PTPN13: variants seen among roughly 807,000 people sequenced by gnomAD.
PTPN13 encodes tyrosine-protein phosphatase non-receptor type 13.
In PTPN13, 191 loss-of-function variants were observed where a neutral mutation model predicts 284.0. That is an observed-to-expected ratio of 0.67 (90% CI 0.60 to 0.76). PTPN13 has a LOEUF of 0.76. Among genes scored for constraint, PTPN13 ranks in the 30% least tolerant of loss-of-function variants. PTPN13 has a pLI of 0.00. For missense variants in PTPN13, 2,797 were observed against 2,939.9 expected (o/e 0.95, Z 1.12); for synonymous variants, 986 against 1,022.3 (o/e 0.96, Z 0.68).
At chr4:86,709,335 T>G (rs759219021) in intron 7 of PTPN13, among the ~76,000 whole-genome samples, 1 of 152,128 alleles carries the variant, frequency 6.6e-6, no homozygotes, top group African/African-American at 2.4e-5. Context: ...AGCTTGTCTT[T>G]CCTCGTACAG....
chr4:86,756,650 T>C (rs1203050813), intron 20 of PTPN13, among the ~76,000 whole-genome samples: 1 of 152,118 alleles, frequency 6.6e-6, no homozygotes, highest in Admixed American at 6.5e-5. Flanking sequence ...GAGGAAATTA[T>C]TGTTGTTATT....
Position 86,750,546 on chromosome 4 carries a change from T to C in PTPN13, c.2727T>C (p.Thr909=). The C allele has an allele frequency of 1.2e-6, 2 of 1,614,024 alleles. No homozygotes were observed. The highest frequency in any genetic ancestry group is 2.2e-5 in the East Asian group (1 of 44,886). ...RGFNMGRAIS[T]GSLASSTLNK... Reference sequence around the variant, plus strand: ...TTAATATGGGACGAGCAATCAGCACTGGCAGTCTGGCCAGCAGCACCCTCA... The same window carrying C: ...TTAATATGGGACGAGCAATCAGCACCGGCAGTCTGGCCAGCAGCACCCTCA... Residue 909 remains threonine (T), a synonymous_variant, in exon 18 of 48, where the codon ACT becomes ACC. Coordinates refer to ENST00000411767, the MANE Select transcript of PTPN13 (RefSeq NM_080683.3).
At chr4:86,768,020 C>A in intron 28 of PTPN13, 44 bp downstream of exon 28, 1 of 1,548,940 alleles carries the variant, frequency 6.5e-7, no homozygotes. Context: ...AATTATTCCT[C>A]GCCTATTCAA....
intron 15 of PTPN13, among the ~76,000 whole-genome samples, chr4:86,736,860 C>T (rs1025734069): frequency 1.3e-5 from 2 of 152,142 alleles, no homozygotes; most frequent in East Asian, 3.8e-4. Context: ...TTGCCCTACT[C>T]CTTCTAATAA....
At chr4:86,605,548 C>A (rs1486567582) in intron 1 of PTPN13, among the ~76,000 whole-genome samples, 2 of 151,686 alleles carry the variant, frequency 1.3e-5, no homozygotes, top group Non-Finnish European at 3.0e-5. Flanking sequence ...TCATTTTAGT[C>A]AGGGGGAAAC....
At chr4:86,654,154 C>A (rs182646108) in intron 2 of PTPN13, among the ~76,000 whole-genome samples, 35 of 152,108 alleles carry the variant, frequency 2.3e-4, no homozygotes, top group African/African-American at 8.0e-4. Context: ...TAGCAGAAGG[C>A]AAGAAATAAC....
intron 1 of PTPN13, among the ~76,000 whole-genome samples, chr4:86,625,197 T>G (rs1721695872): frequency 6.6e-6 from 1 of 152,138 alleles, no homozygotes; most frequent in African/African-American, 2.4e-5. Flanking sequence ...ACTTTCATGA[T>G]CTGACTGGTA....
At chr4:86,748,036 T>G (rs914079196) in intron 17 of PTPN13, among the ~76,000 whole-genome samples, 1 of 152,222 alleles carries the variant, frequency 6.6e-6, no homozygotes, top group Non-Finnish European at 1.5e-5. Context: ...ACTTTCTGTT[T>G]GATGAGTTTC....
At chr4:86,777,642 T>G (rs1017985840) in intron 35 of PTPN13, among the ~76,000 whole-genome samples, 3 of 152,228 alleles carry the variant, frequency 2.0e-5, no homozygotes, top group Admixed American at 2.0e-4. Context: ...ATTACAGACT[T>G]AAGTCATATA....
intron 15 of PTPN13, among the ~76,000 whole-genome samples, chr4:86,738,641 A>G (rs941569686): frequency 2.6e-5 from 4 of 152,090 alleles, no homozygotes; most frequent in Admixed American, 2.0e-4. Flanking sequence ...GGTTTTACAT[A>G]TATTTATTTA....
chr4:86,772,870 A>G lies in PTPN13; in HGVS notation c.5261A>G (p.His1754Arg). The change falls in exon 32 of 48, where the codon CAT (histidine) becomes CGT (arginine). Residue 1754 changes from histidine to arginine, a missense_variant. Coordinates refer to ENST00000411767, the MANE Select transcript of PTPN13 (RefSeq NM_080683.3). The part of the protein sequence containing the change: ...SASSSSMDKY[H>R]IHHISEPTRQ... ...TCCTCTAGTTCGATGGATAAGTATC[A>G]TATACATCACATTTCTGAACCAACT... 1 of 1,612,092 alleles carries G rather than the reference A, an allele frequency of 6.2e-7. No homozygotes were observed. Among genetic ancestry groups the G allele is most frequent in the South Asian group, 1.1e-5 (1 of 90,968 alleles).
intron 2 of PTPN13, chr4:86,661,113 G>T (rs1023140942): frequency 8.8e-6 from 4 of 453,672 alleles, no homozygotes; most frequent in Non-Finnish European, 1.8e-5. Flanking sequence ...GAGCATTTCA[G>T]CACCTAGAAG....
intron 1 of PTPN13, among the ~76,000 whole-genome samples, chr4:86,616,778 A>C (rs1045144413): frequency 6.6e-6 from 1 of 152,148 alleles, no homozygotes; most frequent in Non-Finnish European, 1.5e-5. Flanking sequence ...GCTTTCTATA[A>C]AGCCTACAGA....
At chr4:86,808,860 G>C (rs1744925780) in intron 45 of PTPN13, among the ~76,000 whole-genome samples, 1 of 152,158 alleles carries the variant, frequency 6.6e-6, no homozygotes, top group Non-Finnish European at 1.5e-5. Context: ...AAAAAATAGA[G>C]AAGGACAATT....
chr4:86,718,183 T>G (rs1336587260), intron 9 of PTPN13, among the ~76,000 whole-genome samples: 11 of 152,062 alleles, frequency 7.2e-5, no homozygotes, highest in Non-Finnish European at 1.3e-4. Context: ...GAACAAGAGG[T>G]TGCTTGAGAA....
At position 86,638,581 on chromosome 4, in the gene PTPN13, C is replaced by T. The variant is rs151109361; in HGVS notation, c.115+3210C>T. On this transcript the variant is annotated intron_variant, in intron 2 of 47. Transcript: ENST00000411767. ...CTGACAAAAACAAGCAATGGGGAAA[C>T]GATTCGCTATTTAATAAGTGGTGCT... Among the ~76,000 whole-genome samples, 891 of 152,140 alleles carry T rather than the reference C, an allele frequency of 5.9e-3. 11 individuals carry two copies. Among genetic ancestry groups the T allele is most frequent in the African/African-American group, 0.02 (814 of 41,530 alleles).
At chr4:86,805,409 T>TA in intron 44 of PTPN13, 40 bp downstream of exon 44, 1 of 1,279,014 alleles carries the variant, frequency 7.8e-7, no homozygotes. Context: ...ATGTGATCAG[T>TA]ATAATATTAA....
chr4:86,799,033 A>G (rs919869472), intron 41 of PTPN13, 68 bp from the exon 42 acceptor site: 1 of 920,194 alleles, frequency 1.1e-6, no homozygotes, highest in African/African-American at 1.7e-5. Flanking sequence ...AGAGAAAATC[A>G]TTCAGGGCCA....
intron 17 of PTPN13, among the ~76,000 whole-genome samples, chr4:86,747,651 C>T (rs1736935653): frequency 6.6e-6 from 1 of 152,080 alleles, no homozygotes; most frequent in Non-Finnish European, 1.5e-5. Flanking sequence ...GTTTCTTCAT[C>T]CATGGAGTGG....
Sources: gnomAD v4.1 joint callset for allele counts (sites outside exome capture counted in the v4.1 genomes callset) on GRCh38, gnomAD v4.1.1 for gene constraint, MANE v1.5 for transcripts, NCBI Gene and HGNC (gene_info 2026-07-23, HGNC 2026-07-21) for gene names.